The following ERV3-1 variants were observed in gnomAD, a reference collection of about 807,000 sequenced individuals.
The protein encoded by ERV3-1 is endogenous retrovirus group 3 member 1, envelope.
A neutral mutation model predicts 24.6 loss-of-function variants in ERV3-1; 36 were observed. The observed-to-expected ratio is 1.47, with a 90% CI of 1.12 to 1.94. The LOEUF (loss-of-function observed/expected upper bound fraction) is 1.94. ERV3-1 is among the 30% of genes most tolerant of loss of function. The pLI, the probability that ERV3-1 is intolerant of heterozygous loss-of-function variation, is 0.00. For synonymous variants in ERV3-1, 211 were observed against 122.6 expected (o/e 1.72, Z -4.76); for missense variants, 578 against 330.9 (o/e 1.75, Z -5.79).
In ERV3-1 at chr7:64,991,075, GT is replaced by G. The variant is rs1786252263; in HGVS notation, c.*136del. The G allele has an allele frequency of 1.7e-5, 10 of 590,434 alleles. No individual in the cohort carries two copies. The highest frequency in any genetic ancestry group is 2.7e-5 in the Non-Finnish European group (9 of 331,740). The allele number at this position is 590,434 out of a possible 1,614,324, so 36.6% of individuals were successfully genotyped here. On this transcript the variant is annotated 3_prime_UTR_variant, in exon 2 of 2. Coordinates refer to ENST00000394323, the MANE Select transcript of ERV3-1 (RefSeq NM_001007253.4). ...TCTGTCCACAAGAGCCTCTATGGCT[GT>G]TTGGATATTTTTGACAATGAGGGGT...
In ERV3-1 at chr7:64,993,357, T is replaced by C; in HGVS notation, c.-331A>G. On this transcript the variant is annotated 5_prime_UTR_variant, in exon 2 of 2. Transcript: ENST00000394323. The stretch of plus-strand genomic sequence containing the variant: ...TAGGTCCTGTTGGCTGGTCCACTTG[T>C]CCTGGGCTGCTGGTTTCAGCTGACT... The C allele has an allele frequency of 4.3e-6, 1 of 229,984 alleles. No homozygotes were observed. Among genetic ancestry groups the C allele is most frequent in the Admixed American group, 5.1e-5 (1 of 19,458 alleles). The allele number at this position is 229,984 out of a possible 1,614,324, so 14.2% of individuals were successfully genotyped here.
rs776538217 is a variant in ERV3-1 at position 64,991,729 on chromosome 7, C to A, written c.1298G>T (p.Trp433Leu). 5.2e-6 allele frequency: 4 copies of A among 764,872 alleles called. No individual in the cohort carries two copies. Among genetic ancestry groups the A allele is most frequent in the Non-Finnish European group, 9.6e-6 (4 of 417,350 alleles). The allele number at this position is 764,872 out of a possible 1,614,324, so 47.4% of individuals were successfully genotyped here. A position where few individuals can be genotyped will look rare whatever the true frequency, so the allele number is the denominator to read the frequency against. The change falls in exon 2 of 2, where the codon TGG becomes TTG. Residue 433 changes from tryptophan (W) to leucine (L), a missense_variant. Trp to Leu is a moderately conservative substitution (Grantham distance 61, BLOSUM62 -2). Transcript: ENST00000394323. ...TGTCCCCAGTACACAGGCCCCTGACCATTTAGCTGGCAGTTGTCGATATGC... is the reference window on the plus strand; with the variant it reads ...TGTCCCCAGTACACAGGCCCCTGACAATTTAGCTGGCAGTTGTCGATATGC... ...PQAYRQLPAK[W>L]SGACVLGTIR...
At chr7:64,995,766 A>G (rs947525193) in intron 1 of ERV3-1, among the ~76,000 whole-genome samples, 1 of 152,164 alleles carries the variant, frequency 6.6e-6, no homozygotes, top group African/African-American at 2.4e-5. Context: ...TTTCCATAAG[A>G]GATGGAGGAG....
intron 1 of ERV3-1, 33 bp downstream of exon 1, chr7:65,006,508 C>A: frequency 6.4e-7 from 1 of 1,571,340 alleles, no homozygotes. Flanking sequence ...AGCCCCGCCC[C>A]CTCTCTCGGG....
Position 65,006,656 on chromosome 7 carries a change from C to G in ERV3-1, c.-504G>C. 6.6e-7 allele frequency: 1 copy of G among 1,517,368 alleles called. No individual in the cohort carries two copies. The allele number at this position is 1,517,368 out of a possible 1,614,324, so 94.0% of individuals were successfully genotyped here. ...AGCAGAAGACACAGAGCAGTGAAGA[C>G]TACACCAGAAGCTCCGGCTGCCGCC... On this transcript the variant is annotated 5_prime_UTR_variant, in exon 1 of 2. Transcript: ENST00000394323.
At chr7:64,994,276 C>T (rs1786353524) in intron 1 of ERV3-1, among the ~76,000 whole-genome samples, 1 of 152,102 alleles carries the variant, frequency 6.6e-6, no homozygotes, top group Non-Finnish European at 1.5e-5. Context: ...GTCCTAGTAG[C>T]GTTTCTAGTG....
chr7:64,995,164 T>C (rs991239318), intron 1 of ERV3-1, among the ~76,000 whole-genome samples: 10 of 152,244 alleles, frequency 6.6e-5, no homozygotes, highest in Admixed American at 1.3e-4. Flanking sequence ...CTCTCTCTGA[T>C]CCATTAAAGT....
chr7:64,998,207 C>A (rs1363917441), intron 1 of ERV3-1, among the ~76,000 whole-genome samples: 3 of 152,158 alleles, frequency 2.0e-5, no homozygotes, highest in East Asian at 3.9e-4. Flanking sequence ...TTGTGGCTTT[C>A]CTTTTGTCTC....
chr7:64,998,385 C>T (rs532759152), intron 1 of ERV3-1, among the ~76,000 whole-genome samples: 30 of 152,252 alleles, frequency 2.0e-4, no homozygotes, highest in Middle Eastern at 3.4e-3. Flanking sequence ...GGCTGTCCTC[C>T]GACCCCAGTC....
At position 64,992,692 on chromosome 7, in the gene ERV3-1, G is replaced by A. The variant is rs777377220; in HGVS notation, c.335C>T (p.Ser112Phe). The A allele has an allele frequency of 1.3e-6, 1 of 766,288 alleles. No individual in the cohort carries two copies. The highest frequency in any genetic ancestry group is 2.4e-6 in the Non-Finnish European group (1 of 417,912). The allele number at this position is 766,288 out of a possible 1,614,324, so 47.5% of individuals were successfully genotyped here. Residue 112 changes from serine (S) to phenylalanine (F), a missense_variant, in exon 2 of 2, where the codon TCT (serine) becomes TTT (phenylalanine). Coordinates refer to ENST00000394323, the MANE Select transcript of ERV3-1 (RefSeq NM_001007253.4). ...GTATAAGGATACGACATCCTTGCCA[G>A]AGGGAAATACCTTGGTTTGGTTTAG... Reference protein sequence around the residue: ...DLLNQTKVFPSGKDVVSLYFD... With the variant: ...DLLNQTKVFPFGKDVVSLYFD...
At position 64,991,726 on chromosome 7, in the gene ERV3-1, G is replaced by C. The variant is rs201738351; in HGVS notation, c.1301C>G (p.Ser434Ter). Residue 434 changes from serine (S) to a stop codon, truncating the protein, a stop_gained, in exon 2 of 2, where the codon TCA (serine) becomes TGA (stop). Transcript: ENST00000394323. LOFTEE classifies it high-confidence loss of function. ...AATTGTCCCCAGTACACAGGCCCCTGACCATTTAGCTGGCAGTTGTCGATA... is the reference window on the plus strand; with the variant it reads ...AATTGTCCCCAGTACACAGGCCCCTCACCATTTAGCTGGCAGTTGTCGATA... Reference protein sequence around the residue: ...QAYRQLPAKWSGACVLGTIRP... With the variant: ...QAYRQLPAKW 50 of 764,264 alleles carry C rather than the reference G, an allele frequency of 6.5e-5. No homozygotes were observed. In the African/African-American group the frequency reaches 8.1e-4, roughly 12 times the overall value. 47.3% of individuals were successfully genotyped at this position (764,264 alleles called of 1,614,324 possible).
chr7:65,000,000 G>T (rs774442650), intron 1 of ERV3-1, among the ~76,000 whole-genome samples: 1 of 152,098 alleles, frequency 6.6e-6, no homozygotes, highest in Non-Finnish European at 1.5e-5. Context: ...GGCAATGACA[G>T]AACTAAAAAC....
intron 1 of ERV3-1, chr7:65,004,989 C>A (rs1786611765): frequency 6.6e-6 from 1 of 151,706 alleles, no homozygotes; most frequent in Non-Finnish European, 1.5e-5. Flanking sequence ...ATTGGCTGAC[C>A]AGCAATGTGT....
chr7:64,999,366 G>A (rs1786472122), intron 1 of ERV3-1, among the ~76,000 whole-genome samples: 1 of 152,216 alleles, frequency 6.6e-6, no homozygotes. Flanking sequence ...CAGGAGGCTG[G>A]AGAGACCACT....
chr7:64,998,575 G>A (rs1002854108), intron 1 of ERV3-1, among the ~76,000 whole-genome samples: 1 of 152,144 alleles, frequency 6.6e-6, no homozygotes, highest in African/African-American at 2.4e-5. Context: ...CTAATGGGAT[G>A]GGTTTTGATG....
rs537389945 is a variant in ERV3-1 at position 64,992,873 on chromosome 7, CATA to C, written c.151_153del (p.Tyr51del). 109 of 766,390 alleles carry C rather than the reference CATA, an allele frequency of 1.4e-4. No individual in the cohort carries two copies. The highest frequency in any genetic ancestry group is 1.4e-3 in the African/African-American group (84 of 59,224). 47.5% of individuals were successfully genotyped at this position (766,390 alleles called of 1,614,324 possible). ...GTTCCTAGGCAGGTCCCAGCACACTCATAATAAGTGTGATACAACAGGGTTTTA... is the reference window on the plus strand; with the variant it reads ...GTTCCTAGGCAGGTCCCAGCACACTCATAAGTGTGATACAACAGGGTTTTA... On this transcript the variant is annotated inframe_deletion, in exon 2 of 2. Transcript: ENST00000394323.
rs1384800578 is a variant in ERV3-1 at position 64,990,464 on chromosome 7, C to T, written c.*748G>A. On this transcript the variant is annotated 3_prime_UTR_variant, in exon 2 of 2. Transcript: ENST00000394323. Reference sequence around the variant, plus strand: ...GCTTGACTTTTATACATGCATCAGGCAGGGGCAAGTCGGGTTTTTGGCGCA... The same window carrying T: ...GCTTGACTTTTATACATGCATCAGGTAGGGGCAAGTCGGGTTTTTGGCGCA... 5.4e-6 allele frequency: 1 copy of T among 184,276 alleles called. No homozygotes were observed. Among genetic ancestry groups the T allele is most frequent in the Non-Finnish European group, 1.1e-5 (1 of 87,914 alleles). 11.4% of individuals were successfully genotyped at this position (184,276 alleles called of 1,614,324 possible). A position where few individuals can be genotyped will look rare whatever the true frequency, so the allele number is the denominator to read the frequency against.
chr7:65,001,704 C>T (rs1411066919), intron 1 of ERV3-1, among the ~76,000 whole-genome samples: 1 of 152,214 alleles, frequency 6.6e-6, no homozygotes, highest in African/African-American at 2.4e-5. Context: ...CCCAGACACC[C>T]AGAGTTCCAT....
At position 65,006,536 on chromosome 7, in the gene ERV3-1, C is replaced by T. The variant is rs963827402; in HGVS notation, c.-389+5G>A. ...CTCTCGGGATGTCGGACCCGGCACTCTCACCATTTCTAGGCTTCCAGTGGG... is the reference window on the plus strand; with the variant it reads ...CTCTCGGGATGTCGGACCCGGCACTTTCACCATTTCTAGGCTTCCAGTGGG... On this transcript the variant is annotated splice_donor_5th_base_variant and intron_variant, in intron 1 of 1. Coordinates refer to ENST00000394323, the MANE Select transcript of ERV3-1 (RefSeq NM_001007253.4). 2 of 1,575,934 alleles carry T rather than the reference C, an allele frequency of 1.3e-6. No individual in the cohort carries two copies. The highest frequency in any genetic ancestry group is 1.7e-6 in the Non-Finnish European group (2 of 1,147,074).
Sources: gnomAD v4.1 joint callset for allele counts (sites outside exome capture counted in the v4.1 genomes callset) on GRCh38, gnomAD v4.1.1 for gene constraint, MANE v1.5 for transcripts, NCBI Gene and HGNC (gene_info 2026-07-23, HGNC 2026-07-21) for gene names.